The following OCA2 variants were observed in gnomAD, a reference collection of about 807,000 sequenced individuals.
OCA2 encodes P protein.
In OCA2, 77 loss-of-function variants were observed where a neutral mutation model predicts 100.2. That is an observed-to-expected ratio of 0.77 (90% CI 0.64 to 0.93). OCA2 has a LOEUF of 0.93. Ranked by LOEUF, OCA2 falls within the 40% of genes least tolerant of loss-of-function variation. OCA2 has a pLI of 0.00. For synonymous variants in OCA2, 432 were observed against 439.2 expected, an observed-to-expected ratio of 0.98 and a Z score of 0.21; for missense variants, 1,062 against 1,089.1, an observed-to-expected ratio of 0.98 and a Z score of 0.35.
In OCA2 at chr15:27,966,811, A is replaced by G; in HGVS notation, c.1515T>C (p.Phe505=). ...TGAACATGTGTGCAGTGAATCCGGC[A>G]AAGTCCAGGCCCTGGAAATAAACAA... is the stretch of plus-strand genomic sequence containing the variant. ...NQELRKMGLD[F]AGFTAHMFIG... The change falls in exon 15 of 24, where the codon TTT becomes TTC. Residue 505 remains phenylalanine, a synonymous_variant. Coordinates refer to ENST00000354638, the MANE Select transcript of OCA2 (RefSeq NM_000275.3). 6.2e-7 allele frequency: 1 copy of G among 1,611,748 alleles called. No homozygotes were observed. The highest frequency in any genetic ancestry group is 2.2e-5 in the East Asian group (1 of 44,858).
chr15:27,899,032 C>G (rs1040791744), intron 19 of OCA2, among the ~76,000 whole-genome samples: 1 of 152,124 alleles, frequency 6.6e-6, no homozygotes, highest in Non-Finnish European at 1.5e-5. Context: ...AAATCCCCAA[C>G]AAAATGTTAG....
rs1216427657 is a variant in OCA2, at chr15:27,922,681, GT to G, written c.2079+3445del. 2.5e-3 allele frequency among the ~76,000 whole-genome samples: 72 copies of G among 28,868 alleles called. No individual in the cohort carries two copies. The African/African-American group carries it at 0.028, about 11-fold the overall frequency. 18.9% of individuals were successfully genotyped at this position (28,868 alleles called of 152,430 possible). A position where few individuals can be genotyped will look rare whatever the true frequency, so the allele number is the denominator to read the frequency against. On this transcript the variant is annotated intron_variant, in intron 19 of 23. Transcript: ENST00000354638. ...TAGCTTTTGTGGTTTTTTGTTTGGG[GT>G]GTGTGTGTGTGTGTGTGTGTGTGTG...
At chr15:28,056,958 C>T (rs1229275171) in intron 2 of OCA2, among the ~76,000 whole-genome samples, 3 of 152,234 alleles carry the variant, frequency 2.0e-5, no homozygotes, top group Non-Finnish European at 4.4e-5. Context: ...CTTGGGCAGT[C>T]GGTGCACCCT....
At chr15:28,027,785 C>T in intron 4 of OCA2, 86 bp downstream of exon 4, 1 of 1,381,618 alleles carries the variant, frequency 7.2e-7, no homozygotes, top group Non-Finnish European at 1.0e-6. Context: ...CTTCTTCACG[C>T]TGCTGGTTTG....
chr15:27,789,164 C>A (rs1214691192), intron 23 of OCA2, among the ~76,000 whole-genome samples: 1 of 123,238 alleles, frequency 8.1e-6, no homozygotes, highest in Admixed American at 1.2e-4. Context: ...CTGTGTATAG[C>A]TATATAGATG....
intron 20 of OCA2, among the ~76,000 whole-genome samples, 156 bp from the exon 21 acceptor site, chr15:27,871,414 C>A (rs975284627): frequency 6.6e-6 from 1 of 152,214 alleles, no homozygotes; most frequent in South Asian, 2.1e-4. Context: ...AGGGCCACAC[C>A]CACACCAGGA....
intron 2 of OCA2, among the ~76,000 whole-genome samples, chr15:28,033,047 T>C (rs1181700237): frequency 6.6e-6 from 1 of 152,282 alleles, no homozygotes; most frequent in East Asian, 1.9e-4. Flanking sequence ...GGCAGGATGG[T>C]CCTCCACCAC....
At chr15:27,808,933 G>A (rs1257960175) in intron 23 of OCA2, among the ~76,000 whole-genome samples, 2 of 152,182 alleles carry the variant, frequency 1.3e-5, no homozygotes, top group African/African-American at 4.8e-5. Flanking sequence ...CGTGGGGTAT[G>A]CCATCATTCT....
intron 2 of OCA2, among the ~76,000 whole-genome samples, chr15:28,080,543 GT>G (rs1159242155): frequency 6.6e-6 from 1 of 152,254 alleles, no homozygotes; most frequent in Non-Finnish European, 1.5e-5. Flanking sequence ...AGCATAGACT[GT>G]AAGTCAATAG....
chr15:27,741,830 C>T, the OCA2 span, among the ~76,000 whole-genome samples: 2 of 152,300 alleles, frequency 1.3e-5, no homozygotes, highest in African/African-American at 4.8e-5. Flanking sequence ...TTTCAAATTA[C>T]TTTTATTCAA....
rs375377577 is a variant in OCA2 at position 28,080,471 on chromosome 15, A to G, written c.227+1177T>C. On this transcript the variant is annotated intron_variant, in intron 2 of 23. Coordinates refer to ENST00000354638, the MANE Select transcript of OCA2 (RefSeq NM_000275.3). The stretch of plus-strand genomic sequence containing the variant: ...AACGAGAGCTACAGGCATCAGCACA[A>G]AGAAACCTCAAAACACATTGCCAAA... Among the ~76,000 whole-genome samples, 63 of 152,370 alleles carry G rather than the reference A, an allele frequency of 4.1e-4. No individual in the cohort carries two copies. The East Asian group carries it at 7.5e-3, about 18-fold the overall frequency.
intron 2 of OCA2, among the ~76,000 whole-genome samples, chr15:28,033,710 T>C (rs1237873159): frequency 6.6e-6 from 1 of 152,172 alleles, no homozygotes; most frequent in African/African-American, 2.4e-5. Flanking sequence ...CAGATGAAGG[T>C]AGAGAGATTT....
At chr15:27,724,986 G>A in the OCA2 span, among the ~76,000 whole-genome samples, 1 of 152,102 alleles carries the variant, frequency 6.6e-6, no homozygotes, top group African/African-American at 2.4e-5. Flanking sequence ...GAGGTAAGTA[G>A]CAGTGACTTA....
chr15:27,768,575 T>C (rs952323401), intron 23 of OCA2, among the ~76,000 whole-genome samples: 2 of 152,258 alleles, frequency 1.3e-5, no homozygotes, highest in Non-Finnish European at 2.9e-5. Flanking sequence ...AAAAACTCTC[T>C]TGTAACTGCA....
chr15:27,913,459 A>G (rs999883946), intron 19 of OCA2, among the ~76,000 whole-genome samples: 10 of 152,214 alleles, frequency 6.6e-5, no homozygotes, highest in African/African-American at 2.2e-4. Flanking sequence ...AATTATTATA[A>G]TCCAAAAATG....
chr15:27,729,994 T>TC, the OCA2 span, among the ~76,000 whole-genome samples: 1 of 152,160 alleles, frequency 6.6e-6, no homozygotes, highest in Non-Finnish European at 1.5e-5. Context: ...CAACTAGGTG[T>TC]CCAACAATTC....
chr15:27,735,680 C>T, the OCA2 span, among the ~76,000 whole-genome samples: 2 of 151,964 alleles, frequency 1.3e-5, no homozygotes, highest in African/African-American at 4.8e-5. Context: ...CAGCAGAAAC[C>T]TTACAGGCCA....
At chr15:27,926,104 T>C (rs751836551) in intron 19 of OCA2, 23 bp downstream of exon 19, 3 of 1,613,870 alleles carry the variant, frequency 1.9e-6, no homozygotes, top group Admixed American at 3.3e-5. Context: ...AAATGCCATA[T>C]GGCAAAAGTT....
At chr15:28,099,041 G>A (rs914139926) in intron 1 of OCA2, 183 bp downstream of exon 1, 2 of 154,814 alleles carry the variant, frequency 1.3e-5, no homozygotes, top group African/African-American at 4.8e-5. Flanking sequence ...TGCAGGCCCA[G>A]GCGGACTCAG....
Sources: allele counts gnomAD v4.1 joint callset (sites outside exome capture counted in the v4.1 genomes callset), GRCh38; gene constraint gnomAD v4.1.1; transcripts MANE v1.5; gene names NCBI Gene and HGNC (gene_info 2026-07-23, HGNC 2026-07-21).